The following ADAMTSL1 variants were observed in gnomAD, a reference collection of about 807,000 sequenced individuals.
ADAMTSL1 encodes the protein ADAMTS-like protein 1.
ADAMTSL1 carries 126 observed loss-of-function variants against 201.8 expected under a neutral mutation model. The observed-to-expected ratio is 0.62, with a 90% CI of 0.54 to 0.72. The LOEUF (loss-of-function observed/expected upper bound fraction) is 0.72, where lower values mean the gene tolerates loss of function less well. ADAMTSL1 is among the 30% of genes least tolerant of loss of function. ADAMTSL1 has a pLI of 0.00. For synonymous variants in ADAMTSL1, 1,121 were observed against 903.4 expected, an observed-to-expected ratio of 1.24 and a Z score of -4.32; for missense variants, 2,679 against 2,277.8, an observed-to-expected ratio of 1.18 and a Z score of -3.59.
chr9:18,282,791 G>A lies in ADAMTSL1; in HGVS notation c.207+118810G>A, dbSNP rs1011979717. On this transcript the variant is annotated intron_variant, in intron 2 of 29. Coordinates refer to the ADAMTSL1 transcript ENST00000680146. ...GCAGGCCTGTAATCCCAGCTACTGG[G>A]GAGGCTGAGGCAGGAGAATCGCTTG... Among the ~76,000 whole-genome samples, 4 of 152,228 alleles carry A rather than the reference G, an allele frequency of 2.6e-5. No individual in the cohort carries two copies. In the South Asian group the frequency reaches 8.3e-4, roughly 32 times the overall value.
intron 24 of ADAMTSL1, among the ~76,000 whole-genome samples, chr9:18,889,016 G>A (rs939400546): frequency 2.0e-5 from 3 of 152,186 alleles, no homozygotes; most frequent in Non-Finnish European, 4.4e-5. Context: ...TCACCTATCA[G>A]TGAGTCCCAG....
intron 1 of ADAMTSL1, among the ~76,000 whole-genome samples, chr9:18,020,032 A>G (rs894989101): frequency 9.9e-5 from 15 of 152,060 alleles, no homozygotes; most frequent in African/African-American, 3.4e-4. Context: ...GCCTTCTTCA[A>G]CACTATTATT....
intron 16 of ADAMTSL1, 87 bp from the exon 17 acceptor site, chr9:18,770,515 C>T: frequency 7.5e-7 from 1 of 1,332,180 alleles, no homozygotes; most frequent in Non-Finnish European, 1.0e-6. Context: ...TCTTCCTTTA[C>T]TCTGCCAAAT....
At chr9:17,906,867 G>T (rs1825733032) in exon 1 of ADAMTSL1, 1 of 152,204 alleles carries the variant, frequency 6.6e-6, no homozygotes, top group African/African-American at 2.4e-5. Flanking sequence ...CAGTGCCCCG[G>T]GTTCCTGGCC....
chr9:18,748,631 A>T (rs1014050814), intron 15 of ADAMTSL1, among the ~76,000 whole-genome samples: 14 of 152,156 alleles, frequency 9.2e-5, no homozygotes, highest in African/African-American at 3.4e-4. Flanking sequence ...TGTAGAGGAC[A>T]TAACTAAGAT....
chr9:18,442,040 G>A (rs1820014432), intron 2 of ADAMTSL1, among the ~76,000 whole-genome samples: 2 of 152,282 alleles, frequency 1.3e-5, no homozygotes, highest in African/African-American at 4.8e-5. Context: ...TGTGAATAAA[G>A]TTTTGGCTAT....
chr9:18,380,919 T>G, intron 2 of ADAMTSL1, among the ~76,000 whole-genome samples: 1 of 152,220 alleles, frequency 6.6e-6, no homozygotes, highest in East Asian at 1.9e-4. Flanking sequence ...GAACCCTTTA[T>G]GCTGAAGGAG....
At chr9:18,722,510 T>C (rs773548920) in intron 15 of ADAMTSL1, among the ~76,000 whole-genome samples, 3 of 152,254 alleles carry the variant, frequency 2.0e-5, no homozygotes, top group Non-Finnish European at 4.4e-5. Flanking sequence ...AGTTAATACC[T>C]GTATTGCTGT....
At chr9:18,470,400 T>C (rs1274404564), upstream of ADAMTSL1, among the ~76,000 whole-genome samples, 1 of 152,232 alleles carries the variant, frequency 6.6e-6, no homozygotes, top group African/African-American at 2.4e-5. Flanking sequence ...CTTCCTATAC[T>C]TTTATCTTAG....
intron 2 of ADAMTSL1, among the ~76,000 whole-genome samples, chr9:18,321,481 A>C (rs1446011989): frequency 3.9e-5 from 6 of 152,228 alleles, no homozygotes; most frequent in African/African-American, 9.6e-5. Context: ...TTTACAGAGC[A>C]TACAGCCAAC....
At chr9:18,052,828 G>A (rs143094577) in intron 1 of ADAMTSL1, among the ~76,000 whole-genome samples, 2 of 152,122 alleles carry the variant, frequency 1.3e-5, no homozygotes, top group African/African-American at 4.8e-5. Flanking sequence ...ATCAGAGCAG[G>A]AAATTCTCTG....
At chr9:18,118,142 A>G (rs945340325) in intron 1 of ADAMTSL1, among the ~76,000 whole-genome samples, 3 of 152,154 alleles carry the variant, frequency 2.0e-5, no homozygotes, top group Non-Finnish European at 2.9e-5. Flanking sequence ...TTATCTTTCT[A>G]TTTGAAAGTC....
At chr9:18,598,725 C>T (rs1824431770) in intron 4 of ADAMTSL1, among the ~76,000 whole-genome samples, 3 of 152,174 alleles carry the variant, frequency 2.0e-5, no homozygotes. Context: ...TGCACCTGCA[C>T]ACCATAGTGA....
At chr9:18,687,351 C>T (rs1412914545) in intron 13 of ADAMTSL1, among the ~76,000 whole-genome samples, 1 of 152,118 alleles carries the variant, frequency 6.6e-6, no homozygotes. Flanking sequence ...TATAATTACT[C>T]TCTGAAGCAT....
At chr9:18,616,975 A>G (rs1006910314) in intron 4 of ADAMTSL1, among the ~76,000 whole-genome samples, 1 of 152,202 alleles carries the variant, frequency 6.6e-6, no homozygotes, top group African/African-American at 2.4e-5. Flanking sequence ...TTACCCATAA[A>G]GTTCTATCTA....
At chr9:18,737,386 T>C (rs1388608985) in intron 15 of ADAMTSL1, among the ~76,000 whole-genome samples, 1 of 147,916 alleles carries the variant, frequency 6.8e-6, no homozygotes, top group African/African-American at 2.5e-5. Context: ...CCCATGCCCA[T>C]GCCAGATAAT....
At chr9:18,140,639 ATTGT>A (rs1826359764) in intron 1 of ADAMTSL1, among the ~76,000 whole-genome samples, 1 of 152,196 alleles carries the variant, frequency 6.6e-6, no homozygotes. Flanking sequence ...TATAAATCAC[ATTGT>A]TTGTGCAACA....
chr9:18,722,785 A>C (rs1833471476), intron 15 of ADAMTSL1, among the ~76,000 whole-genome samples: 1 of 152,224 alleles, frequency 6.6e-6, no homozygotes, highest in South Asian at 2.1e-4. Context: ...GCAACCATAA[A>C]ATCAGTCAGC....
At chr9:18,423,540 T>C (rs965706310) in intron 2 of ADAMTSL1, among the ~76,000 whole-genome samples, 3 of 152,214 alleles carry the variant, frequency 2.0e-5, no homozygotes, top group East Asian at 1.9e-4. Context: ...TGAGAATCTT[T>C]TGGAGGCGAG....
Sources: allele counts gnomAD v4.1 joint callset (sites outside exome capture counted in the v4.1 genomes callset), GRCh38; gene constraint gnomAD v4.1.1; transcripts MANE v1.5; gene names NCBI Gene and HGNC (gene_info 2026-07-23, HGNC 2026-07-21).